Variants in ZC3HAV1L observed in about 807,000 individuals in gnomAD.
ZC3HAV1L encodes the protein zinc finger CCCH-type antiviral protein 1-like.
Under a neutral mutation model 28.2 loss-of-function variants are expected in ZC3HAV1L, and 23 were observed. The observed-to-expected ratio is 0.82, with a 90% CI of 0.59 to 1.16. The LOEUF (loss-of-function observed/expected upper bound fraction) is 1.16. Among genes scored for constraint, ZC3HAV1L ranks in the 50% most tolerant of loss-of-function variants. The pLI, the probability that ZC3HAV1L is intolerant of heterozygous loss-of-function variation, is 0.00. For missense variants in ZC3HAV1L, 376 were observed against 387.7 expected (o/e 0.97, Z 0.25); for synonymous variants, 180 against 163.4 (o/e 1.10, Z -0.78).
rs763583756 is a variant in ZC3HAV1L, at chr7:139,034,556, CAG to C, written c.486_487del (p.Cys163SerfsTer24). 13 of 1,614,018 alleles carry C rather than the reference CAG, an allele frequency of 8.1e-6. No homozygotes were observed. The highest frequency in any genetic ancestry group is 3.3e-4 in the Middle Eastern group (2 of 6,084). ...TTGGTGACTCACCTCTGGTAAAAGA[CAG>C]GGGTCATTCTGCAAAAGCAGGATCC... On this transcript the variant is annotated frameshift_variant, in exon 2 of 5. Coordinates refer to ENST00000275766, the MANE Select transcript of ZC3HAV1L (RefSeq NM_080660.4). LOFTEE classifies it high-confidence loss of function.
intron 2 of ZC3HAV1L, among the ~76,000 whole-genome samples, 180 bp downstream of exon 2, chr7:139,034,363 A>C (rs1426321195): frequency 6.6e-6 from 1 of 152,212 alleles, no homozygotes; most frequent in African/African-American, 2.4e-5. Flanking sequence ...TGTATGGCTA[A>C]ACTGAAACAA....
chr7:139,035,788 G>A lies in ZC3HAV1L; in HGVS notation c.230C>T (p.Thr77Ile). ...AAAGAVGGGG[T>I]SAWRVVAVSS... The stretch of plus-strand genomic sequence containing the variant: ...CACGGCCACCACCCTCCAGGCGGAG[G>A]TGCCGCCACCGCCCACCGCGCCGGC... Residue 77 changes from threonine to isoleucine, a missense_variant, in exon 1 of 5, where the codon ACC becomes ATC. Thr to Ile is a moderately conservative substitution (Grantham distance 89). Transcript: ENST00000275766. 1 of 1,492,840 alleles carries A rather than the reference G, an allele frequency of 6.7e-7. No homozygotes were observed. The highest frequency in any genetic ancestry group is 8.9e-7 in the Non-Finnish European group (1 of 1,129,804). The allele number at this position is 1,492,840 out of a possible 1,614,324, so 92.5% of individuals were successfully genotyped here. A position where few individuals can be genotyped will look rare whatever the true frequency, so the allele number is the denominator to read the frequency against.
intron 1 of ZC3HAV1L, 69 bp downstream of exon 1, chr7:139,035,584 C>T: frequency 2.2e-6 from 3 of 1,342,058 alleles, no homozygotes; most frequent in Non-Finnish European, 1.9e-6. Context: ...TCCCGTCGCT[C>T]CCGCTTCCAG....
Position 139,028,682 on chromosome 7 carries a change from T to C in ZC3HAV1L, c.760+20A>G, listed in dbSNP as rs1815429599. 1 of 1,609,260 alleles carries C rather than the reference T, an allele frequency of 6.2e-7. No homozygotes were observed. The highest frequency in any genetic ancestry group is 1.7e-5 in the Admixed American group (1 of 59,836). On this transcript the variant is annotated intron_variant, in intron 3 of 4. Coordinates refer to ENST00000275766, the MANE Select transcript of ZC3HAV1L (RefSeq NM_080660.4). Reference sequence around the variant, plus strand: ...AAACCATATCGCTGATACTTCTCTGTCCTTCTTGGATATTCCTACCTGTAT... The same window carrying C: ...AAACCATATCGCTGATACTTCTCTGCCCTTCTTGGATATTCCTACCTGTAT...
intron 2 of ZC3HAV1L, 139 bp downstream of exon 2, chr7:139,034,404 A>G: frequency 7.4e-7 from 1 of 1,357,408 alleles, no homozygotes; most frequent in South Asian, 1.5e-5. Flanking sequence ...AGCAATTATA[A>G]AGGGTACCTT....
chr7:139,035,982 C>G lies in ZC3HAV1L; in HGVS notation c.36G>C (p.Lys12Asn). 6.6e-7 allele frequency: 1 copy of G among 1,525,932 alleles called. No homozygotes were observed. The highest frequency in any genetic ancestry group is 8.7e-7 in the Non-Finnish European group (1 of 1,144,906). 94.5% of individuals were successfully genotyped at this position (1,525,932 alleles called of 1,614,324 possible). Residue 12 changes from lysine (K) to asparagine (N), a missense_variant, in exon 1 of 5, where the codon AAG becomes AAC. Lys to Asn is a moderately conservative substitution (Grantham distance 94). Transcript: ENST00000275766. ...TGCGGCCGCCGTGGGCGCACAGCACCTTGGTGAGGAAGGAGCACACTGTGG... is the reference window on the plus strand; with the variant it reads ...TGCGGCCGCCGTGGGCGCACAGCACGTTGGTGAGGAAGGAGCACACTGTGG... ...AEPTVCSFLT[K>N]VLCAHGGRMF...
In ZC3HAV1L at chr7:139,034,017, G is replaced by T. The variant is rs976765165; in HGVS notation, c.501+526C>A. 3 of 985,440 alleles carry T rather than the reference G, an allele frequency of 3.0e-6. No individual in the cohort carries two copies. The African/African-American group carries it at 5.2e-5, about 17-fold the overall frequency. 61.0% of individuals were successfully genotyped at this position (985,440 alleles called of 1,614,324 possible). ...CAGGAAGAAACCTGCTTGTTCCTGA[G>T]ATCAACTCCAGGACTGCCTTCTGGG... On this transcript the variant is annotated intron_variant, in intron 2 of 4. Transcript: ENST00000275766.
At chr7:139,029,330 A>G (rs1162767802) in intron 2 of ZC3HAV1L, among the ~76,000 whole-genome samples, 1 of 152,092 alleles carries the variant, frequency 6.6e-6, no homozygotes, top group Non-Finnish European at 1.5e-5. Context: ...CTATCTTTTA[A>G]GCCAAAAGAC....
At position 139,035,822 on chromosome 7, in the gene ZC3HAV1L, C is replaced by T. The variant is rs1217358494; in HGVS notation, c.196G>A (p.Glu66Lys). ...CCGCCCACCGCGCCGGCCGCCGCCT[C>T]GGCCTCCGCGTCCCCGAGGCCCTCC... is the stretch of plus-strand genomic sequence containing the variant. Reference protein sequence around the residue: ...TQEGLGDAEAEAAAGAVGGGG... With the variant: ...TQEGLGDAEAKAAAGAVGGGG... Residue 66 changes from glutamate to lysine, a missense_variant, in exon 1 of 5, where the codon GAG (glutamate) becomes AAG (lysine). Transcript: ENST00000275766. The T allele has an allele frequency of 2.0e-6, 3 of 1,483,926 alleles. No homozygotes were observed. The highest frequency in any genetic ancestry group is 2.3e-5 in the Admixed American group (1 of 43,342). The allele number at this position is 1,483,926 out of a possible 1,614,324, so 91.9% of individuals were successfully genotyped here.
In ZC3HAV1L at chr7:139,035,999, A is replaced by G; in HGVS notation, c.19T>C (p.Cys7Arg). Residue 7 changes from cysteine (C) to arginine (R), a missense_variant, in exon 1 of 5, where the codon TGC becomes CGC. Cys to Arg is a radical substitution (Grantham distance 180). Transcript: ENST00000275766. ...CACAGCACCTTGGTGAGGAAGGAGC[A>G]CACTGTGGGCTCCGCCATGGTCGCT... MAEPTV[C>R]SFLTKVLCAH... The G allele has an allele frequency of 6.6e-7, 1 of 1,518,076 alleles. No homozygotes were observed. Among genetic ancestry groups the G allele is most frequent in the Non-Finnish European group, 8.8e-7 (1 of 1,141,424 alleles). 94.0% of individuals were successfully genotyped at this position (1,518,076 alleles called of 1,614,324 possible).
At chr7:139,032,636 T>C (rs1341567199) in intron 2 of ZC3HAV1L, among the ~76,000 whole-genome samples, 2 of 132,804 alleles carry the variant, frequency 1.5e-5, no homozygotes, top group Admixed American at 7.3e-5. Flanking sequence ...AAAAAAGAAA[T>C]AAATAAAATA....
Position 139,035,775 on chromosome 7 carries a change from C to G in ZC3HAV1L, c.243G>C (p.Arg81Ser). Residue 81 changes from arginine to serine, a missense_variant, in exon 1 of 5, where the codon AGG becomes AGC. Arg to Ser is a moderately radical substitution (Grantham distance 110, BLOSUM62 -1). Transcript: ENST00000275766. ...GGCGCACAGAGGACACGGCCACCAC[C>G]CTCCAGGCGGAGGTGCCGCCACCGC... Reference protein sequence around the residue: ...AVGGGGTSAWRVVAVSSVRLC... With the variant: ...AVGGGGTSAWSVVAVSSVRLC... 1 of 1,496,098 alleles carries G rather than the reference C, an allele frequency of 6.7e-7. No individual in the cohort carries two copies. Among genetic ancestry groups the G allele is most frequent in the Non-Finnish European group, 8.8e-7 (1 of 1,131,170 alleles). 92.7% of individuals were successfully genotyped at this position (1,496,098 alleles called of 1,614,324 possible).
Position 139,035,956 on chromosome 7 carries a change from A to G in ZC3HAV1L, c.62T>C (p.Met21Thr). ...TKVLCAHGGR[M>T]FLKDLRGHVE... ...GTGGCCGCGCAGGTCCTTCAGGAAC[A>G]TGCGGCCGCCGTGGGCGCACAGCAC... is the stretch of plus-strand genomic sequence containing the variant. The change falls in exon 1 of 5, where the codon ATG (methionine) becomes ACG (threonine). Residue 21 changes from methionine (M) to threonine (T), a missense_variant. Transcript: ENST00000275766. 1 of 1,519,940 alleles carries G rather than the reference A, an allele frequency of 6.6e-7. No homozygotes were observed. The highest frequency in any genetic ancestry group is 8.8e-7 in the Non-Finnish European group (1 of 1,141,900). 94.2% of individuals were successfully genotyped at this position (1,519,940 alleles called of 1,614,324 possible).
At chr7:139,029,203 A>G (rs1385044103) in intron 2 of ZC3HAV1L, among the ~76,000 whole-genome samples, 1 of 152,092 alleles carries the variant, frequency 6.6e-6, no homozygotes, top group East Asian at 1.9e-4. Flanking sequence ...GGGTTTCACC[A>G]TGTTGGCCAG....
At chr7:139,034,463 A>G (rs2130638817) in intron 2 of ZC3HAV1L, 80 bp downstream of exon 2, 1 of 1,556,032 alleles carries the variant, frequency 6.4e-7, no homozygotes, top group South Asian at 1.2e-5. Flanking sequence ...ATTAAAATTA[A>G]TATGTAAAGC....
At position 139,025,721 on chromosome 7, in the gene ZC3HAV1L, C is replaced by T. The variant is rs1352878081; in HGVS notation, c.*823G>A. On this transcript the variant is annotated 3_prime_UTR_variant, in exon 5 of 5. Coordinates refer to ENST00000275766, the MANE Select transcript of ZC3HAV1L (RefSeq NM_080660.4). ...GACACCAGAAAACTATTCACTCATA[C>T]ATATATTTTTAAAAATGCAAATGAC... 1 of 151,988 alleles carries T rather than the reference C, an allele frequency of 6.6e-6. No individual in the cohort carries two copies. 9.4% of individuals were successfully genotyped at this position (151,988 alleles called of 1,614,324 possible).
At chr7:139,030,176 T>C (rs1417771067) in intron 2 of ZC3HAV1L, among the ~76,000 whole-genome samples, 1 of 152,208 alleles carries the variant, frequency 6.6e-6, no homozygotes, top group Non-Finnish European at 1.5e-5. Context: ...CTGGGCGCGG[T>C]GCCTCACACC....
chr7:139,022,069 A>G (rs548122659), downstream of ZC3HAV1L, among the ~76,000 whole-genome samples: 1 of 152,308 alleles, frequency 6.6e-6, no homozygotes, highest in African/African-American at 2.4e-5. Context: ...ACCAAGTATA[A>G]TGAAAAAAAT....
intron 2 of ZC3HAV1L, among the ~76,000 whole-genome samples, chr7:139,030,074 C>T (rs1461512068): frequency 3.3e-5 from 5 of 152,268 alleles, no homozygotes; most frequent in Non-Finnish European, 2.9e-5. Context: ...CTGACATCCC[C>T]GGCAACCCCT....
Sources: allele counts gnomAD v4.1 joint callset (sites outside exome capture counted in the v4.1 genomes callset), GRCh38; gene constraint gnomAD v4.1.1; transcripts MANE v1.5; gene names NCBI Gene and HGNC (gene_info 2026-07-23, HGNC 2026-07-21).